Variants in GALK2 observed in about 807,000 individuals in gnomAD.
GALK2 encodes galactokinase 2, also known as N-acetylgalactosamine kinase.
GALK2 carries 36 observed loss-of-function variants against 52.4 expected under a neutral mutation model. That is an observed-to-expected ratio of 0.69 (90% CI 0.53 to 0.91). The LOEUF is 0.91. Among genes scored for constraint, GALK2 ranks in the 40% least tolerant of loss-of-function variants. The pLI, the probability that GALK2 is intolerant of heterozygous loss-of-function variation, is 0.00. For missense variants in GALK2, 579 were observed against 559.1 expected, an observed-to-expected ratio of 1.04 and a Z score of -0.36; for synonymous variants, 176 against 199.1, an observed-to-expected ratio of 0.88 and a Z score of 0.98.
Position 49,331,812 on chromosome 15 carries a change from T to C in GALK2, c.*3653T>C, listed in dbSNP as rs1339699833. ...TGTAGGAACTTCTCAAAGTCCTGTTTCACTTCATGAGGTTTCTTGGTAGCC... is the reference window on the plus strand; with the variant it reads ...TGTAGGAACTTCTCAAAGTCCTGTTCCACTTCATGAGGTTTCTTGGTAGCC... On this transcript the variant is annotated 3_prime_UTR_variant, in exon 10 of 10. Transcript: ENST00000560031. 1.2e-6 allele frequency: 2 copies of C among 1,611,760 alleles called. No homozygotes were observed. The highest frequency in any genetic ancestry group is 1.7e-6 in the Non-Finnish European group (2 of 1,177,922).
exon 4 of GALK2, chr15:49,367,677 T>G: frequency 7.4e-7 from 1 of 1,349,252 alleles, no homozygotes; most frequent in Non-Finnish European, 1.0e-6. Flanking sequence ...GAATAAAATA[T>G]AACTTCATAT....
At chr15:49,303,550 G>A (rs951753266) in intron 8 of GALK2, among the ~76,000 whole-genome samples, 2 of 152,216 alleles carry the variant, frequency 1.3e-5, no homozygotes, top group Non-Finnish European at 2.9e-5. Flanking sequence ...GTAGACCTTT[G>A]AAGCATGAAA....
At chr15:49,241,600 A>G (rs1383751817) in intron 5 of GALK2, among the ~76,000 whole-genome samples, 1 of 152,218 alleles carries the variant, frequency 6.6e-6, no homozygotes, top group African/African-American at 2.4e-5. Context: ...TTAGATGGAA[A>G]TGGGTTGAAG....
rs184772734 is a variant in GALK2, at chr15:49,308,325, T to C, written c.968-11279T>C. Among the ~76,000 whole-genome samples, 297 of 152,340 alleles carry C rather than the reference T, an allele frequency of 1.9e-3. 2 individuals carry two copies. Among genetic ancestry groups the C allele is most frequent in the African/African-American group, 6.6e-3 (276 of 41,566 alleles). On this transcript the variant is annotated intron_variant, in intron 8 of 9. Transcript: ENST00000560031. The stretch of plus-strand genomic sequence containing the variant: ...GAAATTGACCAGTAATGTGTAGTTA[T>C]ATGATTGTGCATAGCCAGCTACAGC...
At chr15:49,260,210 G>A (rs2092032306) in intron 5 of GALK2, among the ~76,000 whole-genome samples, 1 of 152,084 alleles carries the variant, frequency 6.6e-6, no homozygotes, top group East Asian at 1.9e-4. Context: ...GTGTAAAAGT[G>A]TTCCTATTTC....
At chr15:49,351,594 T>C (rs2042249893) in intron 3 of GALK2, among the ~76,000 whole-genome samples, 1 of 152,192 alleles carries the variant, frequency 6.6e-6, no homozygotes, top group Non-Finnish European at 1.5e-5. Flanking sequence ...CCGTCCCAAG[T>C]TGGGTTTTCC....
intron 7 of GALK2, among the ~76,000 whole-genome samples, chr15:49,286,542 A>G (rs2033372717): frequency 6.6e-6 from 1 of 152,164 alleles, no homozygotes; most frequent in African/African-American, 2.4e-5. Flanking sequence ...TGTTTCTGGA[A>G]TATTTGGGGG....
chr15:49,254,509 T>A (rs1463599872), intron 5 of GALK2, among the ~76,000 whole-genome samples: 1 of 144,492 alleles, frequency 6.9e-6, no homozygotes, highest in Non-Finnish European at 1.6e-5. Flanking sequence ...TGCTCCTTTT[T>A]ATTTTTATAA....
At position 49,331,739 on chromosome 15, in the gene GALK2, TAGAG is replaced by T. The variant is rs760639050; in HGVS notation, c.*3586_*3589del. The T allele has an allele frequency of 8.2e-7, 1 of 1,219,194 alleles. No homozygotes were observed. The highest frequency in any genetic ancestry group is 1.2e-5 in the South Asian group (1 of 82,632). 75.5% of individuals were successfully genotyped at this position (1,219,194 alleles called of 1,614,324 possible). A position where few individuals can be genotyped will look rare whatever the true frequency, so the allele number is the denominator to read the frequency against. On this transcript the variant is annotated 3_prime_UTR_variant, in exon 10 of 10. Transcript: ENST00000560031. Reference sequence around the variant, plus strand: ...ATTGTCCAGTCTATATAAAAGAAGCTAGAGAGAGAATTCTCAATTATTTTCAGAA... The same window carrying T: ...ATTGTCCAGTCTATATAAAAGAAGCTAGAGAATTCTCAATTATTTTCAGAA...
chr15:49,241,175 G>A (rs2091075311), intron 5 of GALK2, among the ~76,000 whole-genome samples: 2 of 152,120 alleles, frequency 1.3e-5, no homozygotes, highest in African/African-American at 4.8e-5. Context: ...TACTGATGGA[G>A]TTATTTAGTA....
intron 1 of GALK2, among the ~76,000 whole-genome samples, chr15:49,172,560 C>G (rs900147582): frequency 6.6e-6 from 1 of 152,190 alleles, no homozygotes; most frequent in East Asian, 1.9e-4. Flanking sequence ...AATGAATGGT[C>G]AGCCTGCTTT....
At chr15:49,175,797 C>A (rs1003874909) in intron 1 of GALK2, among the ~76,000 whole-genome samples, 1 of 152,188 alleles carries the variant, frequency 6.6e-6, no homozygotes, top group Admixed American at 6.5e-5. Flanking sequence ...CAACCCCTGA[C>A]CTTATCAGTT....
intron 3 of GALK2, among the ~76,000 whole-genome samples, chr15:49,218,887 G>T (rs113229974): frequency 4.8e-4 from 73 of 152,242 alleles, no homozygotes; most frequent in African/African-American, 1.7e-3. Context: ...GTGTAGTGGG[G>T]CGATCTCAGC....
At chr15:49,184,272 G>T (rs1188009112) in intron 1 of GALK2, among the ~76,000 whole-genome samples, 6 of 151,530 alleles carry the variant, frequency 4.0e-5, no homozygotes, top group African/African-American at 1.5e-4. Flanking sequence ...TATTTTGTGT[G>T]ATATAAGTAT....
chr15:49,266,189 A>G (rs2141663792), intron 5 of GALK2, among the ~76,000 whole-genome samples: 1 of 152,176 alleles, frequency 6.6e-6, no homozygotes, highest in African/African-American at 2.4e-5. Context: ...GTCCAAATGG[A>G]GATCTCCAGC....
At chr15:49,324,072 T>C (rs1294615453) in intron 9 of GALK2, among the ~76,000 whole-genome samples, 1 of 152,224 alleles carries the variant, frequency 6.6e-6, no homozygotes, top group African/African-American at 2.4e-5. Context: ...GCTCATTCAC[T>C]ATTGGTTCCC....
chr15:49,342,283 AC>A (rs1326892947), intron 3 of GALK2, among the ~76,000 whole-genome samples: 1 of 152,032 alleles, frequency 6.6e-6, no homozygotes, highest in Non-Finnish European at 1.5e-5. Flanking sequence ...ATTATGTAAT[AC>A]CCTTTGTCTT....
At chr15:49,230,754 A>T (rs1237587039) in intron 3 of GALK2, among the ~76,000 whole-genome samples, 1 of 152,254 alleles carries the variant, frequency 6.6e-6, no homozygotes, top group Non-Finnish European at 1.5e-5. Flanking sequence ...AAGAACAAGT[A>T]AATGAATAAA....
Position 49,322,434 on chromosome 15 carries a change from A to AT in GALK2, c.1169+2635dup, listed in dbSNP as rs546452258. Among the ~76,000 whole-genome samples, 375 of 152,164 alleles carry AT rather than the reference A, an allele frequency of 2.5e-3. 4 individuals carry two copies. Among genetic ancestry groups the AT allele is most frequent in the African/African-American group, 8.5e-3 (353 of 41,506 alleles). On this transcript the variant is annotated intron_variant, in intron 9 of 9. Transcript: ENST00000560031. ...GTCCTTAAAGCTTCTTATATAATTA[A>AT]TTTTTTCTTTGCTGTCACTGTGACC...
Sources: allele counts gnomAD v4.1 joint callset (sites outside exome capture counted in the v4.1 genomes callset), GRCh38; gene constraint gnomAD v4.1.1; transcripts MANE v1.5; gene names NCBI Gene and HGNC (gene_info 2026-07-23, HGNC 2026-07-21).